SGK1: variants seen among roughly 807,000 people sequenced by gnomAD.
The protein encoded by SGK1 is serum/glucocorticoid regulated kinase 1, also known as serine/threonine-protein kinase Sgk1.
A neutral mutation model predicts 64.2 loss-of-function variants in SGK1; 26 were observed. That is an observed-to-expected ratio of 0.40 (90% CI 0.30 to 0.56). The LOEUF (loss-of-function observed/expected upper bound fraction) is 0.56. Among genes scored for constraint, SGK1 ranks in the 20% least tolerant of loss-of-function variants. The pLI is 0.38. For synonymous variants in SGK1, 265 were observed against 239.7 expected, an observed-to-expected ratio of 1.11 and a Z score of -0.98; for missense variants, 519 against 645.6, an observed-to-expected ratio of 0.80 and a Z score of 2.12.
chr6:134,228,814 A>G (rs1458977626), intron 2 of SGK1, among the ~76,000 whole-genome samples: 1 of 152,098 alleles, frequency 6.6e-6, no homozygotes, highest in Non-Finnish European at 1.5e-5. Flanking sequence ...TTATAAAAGG[A>G]AAGAAAATTC....
At chr6:134,172,083 T>C in intron 10 of SGK1, 110 bp downstream of exon 10, 1 of 1,203,614 alleles carries the variant, frequency 8.3e-7, no homozygotes, top group Non-Finnish European at 1.2e-6. Context: ...TGAACTGTAT[T>C]AAGAAGTCTC....
intron 2 of SGK1, among the ~76,000 whole-genome samples, chr6:134,238,411 G>T (rs184628093): frequency 1.3e-5 from 2 of 152,294 alleles, no homozygotes; most frequent in East Asian, 1.9e-4. Context: ...ATTAATTACA[G>T]TAACTGCTGT....
rs578063782 is a variant in SGK1, at chr6:134,269,210, G to C, written c.70-7062C>G. 6.1e-4 allele frequency among the ~76,000 whole-genome samples: 90 copies of C among 147,652 alleles called. 6 individuals are homozygous for C. The highest frequency in any genetic ancestry group is 2.1e-3 in the African/African-American group (85 of 41,138). On this transcript the variant is annotated intron_variant, in intron 1 of 13. Coordinates refer to ENST00000367858, the MANE Select transcript of SGK1 (RefSeq NM_001143676.3). ...TCTCATTGGCCCCCGTCCTTTTAGG[G>C]GGAAGAGCTGACTCTCTTAAAAAGC...
intron 2 of SGK1, among the ~76,000 whole-genome samples, chr6:134,239,623 T>G (rs1295440578): frequency 6.6e-6 from 1 of 152,132 alleles, no homozygotes; most frequent in Non-Finnish European, 1.5e-5. Flanking sequence ...AAAGAATGGA[T>G]GACCAAAGAA....
intron 2 of SGK1, among the ~76,000 whole-genome samples, chr6:134,238,528 T>C (rs1038306399): frequency 3.9e-5 from 6 of 152,164 alleles, no homozygotes; most frequent in African/African-American, 1.4e-4. Context: ...CATAAAACTT[T>C]TTTTAATTGG....
At chr6:134,286,070 C>A (rs1428887879) in intron 1 of SGK1, among the ~76,000 whole-genome samples, 2 of 152,104 alleles carry the variant, frequency 1.3e-5, no homozygotes, top group Admixed American at 1.3e-4. Context: ...TGACTACAGT[C>A]TGGAAGTAGT....
intron 1 of SGK1, among the ~76,000 whole-genome samples, chr6:134,309,654 T>C (rs916256823): frequency 6.6e-6 from 1 of 152,170 alleles, no homozygotes; most frequent in African/African-American, 2.4e-5. Context: ...TCGAAGACTC[T>C]TTTTACCCTG....
At chr6:134,237,549 C>T (rs551638323) in intron 2 of SGK1, among the ~76,000 whole-genome samples, 150 of 152,090 alleles carry the variant, frequency 9.9e-4, no homozygotes, top group African/African-American at 3.2e-3. Context: ...TGGTGGCATG[C>T]GCCTGTGATC....
At chr6:134,198,493 AT>A (rs1775629834) in intron 3 of SGK1, among the ~76,000 whole-genome samples, 1 of 152,092 alleles carries the variant, frequency 6.6e-6, no homozygotes, top group African/African-American at 2.4e-5. Context: ...AAATCTAGAA[AT>A]TGTTTTCTTT....
chr6:134,306,921 G>A (rs536439117), intron 1 of SGK1, among the ~76,000 whole-genome samples: 2 of 144,584 alleles, frequency 1.4e-5, no homozygotes, highest in South Asian at 2.3e-4. Flanking sequence ...AGGGGGGGGG[G>A]GCGGAATTTC....
intron 2 of SGK1, among the ~76,000 whole-genome samples, chr6:134,249,894 A>G (rs1776581177): frequency 1.3e-5 from 2 of 152,130 alleles, no homozygotes; most frequent in Admixed American, 1.3e-4. Context: ...ATGGTCATCA[A>G]TTTCTTTCTT....
At chr6:134,259,477 TAA>T (rs35942047) in intron 2 of SGK1, among the ~76,000 whole-genome samples, 96 of 135,524 alleles carry the variant, frequency 7.1e-4, no homozygotes, top group Non-Finnish European at 8.2e-4. Context: ...CCATCTCTAC[TAA>T]AAAAAAAAAA....
At position 134,175,611 on chromosome 6, in the gene SGK1, C is replaced by T. The variant is rs529084190; in HGVS notation, c.362-1025G>A. 400 of 1,544,736 alleles carry T rather than the reference C, an allele frequency of 2.6e-4. 13 individuals carry two copies. The South Asian group carries it at 4.5e-3, about 17-fold the overall frequency. On this transcript the variant is annotated intron_variant, in intron 3 of 13. Transcript: ENST00000367858. ...CGGCCCTCTTTTTGTGGCGGGGCCGCAGCAGGGACTCGAGCCGGGCTCTGG... is the reference window on the plus strand; with the variant it reads ...CGGCCCTCTTTTTGTGGCGGGGCCGTAGCAGGGACTCGAGCCGGGCTCTGG...
At chr6:134,213,800 T>G (rs1406846469) in intron 2 of SGK1, among the ~76,000 whole-genome samples, 1 of 152,054 alleles carries the variant, frequency 6.6e-6, no homozygotes, top group Non-Finnish European at 1.5e-5. Context: ...CAAGGAGAAT[T>G]TCTCCAATAG....
intron 3 of SGK1, among the ~76,000 whole-genome samples, chr6:134,193,451 G>A (rs189048555): frequency 8.3e-4 from 126 of 152,064 alleles, no homozygotes; most frequent in Non-Finnish European, 1.6e-3. Context: ...TAAATTCCCG[G>A]TCTTGCCCAG....
chr6:134,244,167 C>G (rs888247154), intron 2 of SGK1, among the ~76,000 whole-genome samples: 108 of 152,142 alleles, frequency 7.1e-4, no homozygotes, highest in African/African-American at 2.4e-3. Context: ...GTTCCTCTCC[C>G]TGTACCCATA....
chr6:134,215,414 C>G (rs1775963552), intron 2 of SGK1, among the ~76,000 whole-genome samples: 1 of 151,362 alleles, frequency 6.6e-6, no homozygotes, highest in African/African-American at 2.4e-5. Context: ...CGGCGCCTGG[C>G]CGAGAGTAAG....
At chr6:134,215,017 T>A in intron 2 of SGK1, 1 of 449,942 alleles carries the variant, frequency 2.2e-6, no homozygotes, top group Non-Finnish European at 4.4e-6. Flanking sequence ...GGTTACAATT[T>A]AAACATCAGA....
rs146986103 is a variant in SGK1 at position 134,273,480 on chromosome 6, C to T, written c.70-11332G>A. Among the ~76,000 whole-genome samples the T allele has an allele frequency of 7.5e-3, 1,112 of 147,288 alleles. 12 individuals are homozygous for T. Among genetic ancestry groups the T allele is most frequent in the African/African-American group, 0.026 (1,058 of 40,416 alleles). On this transcript the variant is annotated intron_variant, in intron 1 of 13. Coordinates refer to ENST00000367858, the MANE Select transcript of SGK1 (RefSeq NM_001143676.3). ...TAGTGGTGGGCGCCTGTAGTCCCAG[C>T]TACTTGGGAGGCTGAGGCAGGAGAA... is the stretch of plus-strand genomic sequence containing the variant.
Sources: allele counts gnomAD v4.1 joint callset (sites outside exome capture counted in the v4.1 genomes callset), GRCh38; gene constraint gnomAD v4.1.1; transcripts MANE v1.5; gene names NCBI Gene and HGNC (gene_info 2026-07-23, HGNC 2026-07-21).